Variants in SRD5A2 observed in about 807,000 individuals in gnomAD.
SRD5A2 encodes 3-oxo-5-alpha-steroid 4-dehydrogenase 2.
A neutral mutation model predicts 27.4 loss-of-function variants in SRD5A2; 30 were observed. The observed-to-expected ratio is 1.10, with a 90% CI of 0.82 to 1.49. SRD5A2 has a LOEUF of 1.49. SRD5A2 is among the 40% of genes most tolerant of loss of function. The probability of loss-of-function intolerance (pLI) is 0.00; values close to 1 mark genes in which losing one functional copy is unlikely to be tolerated. For missense variants in SRD5A2, 348 were observed against 323.4 expected (o/e 1.08, Z -0.58); for synonymous variants, 141 against 133.6 (o/e 1.06, Z -0.38).
At chr2:31,567,579 T>C (rs1310751642) in intron 1 of SRD5A2, among the ~76,000 whole-genome samples, 2 of 152,050 alleles carry the variant, frequency 1.3e-5, no homozygotes, top group Admixed American at 6.5e-5. Context: ...CCCTTTGTAG[T>C]TCTACCTTCT....
the SRD5A2 span, among the ~76,000 whole-genome samples, chr2:31,586,913 A>G: frequency 6.6e-6 from 1 of 152,346 alleles, no homozygotes; most frequent in South Asian, 2.1e-4. Flanking sequence ...CTGGAGAAAC[A>G]AGACATAGGA....
the SRD5A2 span, among the ~76,000 whole-genome samples, chr2:31,621,940 G>A: frequency 7.4e-6 from 1 of 135,770 alleles, no homozygotes; most frequent in Non-Finnish European, 1.6e-5. Context: ...ACTCTACCCT[G>A]ACAGGTTTGT....
intron 1 of SRD5A2, among the ~76,000 whole-genome samples, chr2:31,569,775 A>C (rs1666816051): frequency 6.6e-6 from 1 of 152,136 alleles, no homozygotes; most frequent in Non-Finnish European, 1.5e-5. Flanking sequence ...ATTAAAACCT[A>C]AAACTACAAA....
At chr2:31,639,184 C>T in the SRD5A2 span, among the ~76,000 whole-genome samples, 3 of 152,004 alleles carry the variant, frequency 2.0e-5, no homozygotes, top group Admixed American at 6.6e-5. Flanking sequence ...AATAGAAACA[C>T]AGGCAAAGAC....
At chr2:31,631,486 C>T in the SRD5A2 span, among the ~76,000 whole-genome samples, 1 of 151,788 alleles carries the variant, frequency 6.6e-6, no homozygotes, top group Non-Finnish European at 1.5e-5. Context: ...GGGAAACGTT[C>T]CCCCCCAAGG....
the SRD5A2 span, among the ~76,000 whole-genome samples, chr2:31,613,027 A>G: frequency 6.6e-6 from 1 of 152,176 alleles, no homozygotes; most frequent in Non-Finnish European, 1.5e-5. Context: ...TAAAATGAAT[A>G]AGAGACTGAA....
Position 31,523,290 on chromosome 2 carries a change from A to G in SRD5A2, c.*2906T>C, listed in dbSNP as rs936274225. ...CTCACACACAAACAGGCATGGGACAATAGGTGTATAAACTGAACTATGCAA... is the reference window on the plus strand; with the variant it reads ...CTCACACACAAACAGGCATGGGACAGTAGGTGTATAAACTGAACTATGCAA... On this transcript the variant is annotated 3_prime_UTR_variant, in exon 5 of 5. Transcript: ENST00000622030. 4.7e-6 allele frequency: 1 copy of G among 214,558 alleles called. No homozygotes were observed. Among genetic ancestry groups the G allele is most frequent in the Non-Finnish European group, 9.4e-6 (1 of 106,282 alleles). 13.3% of individuals were successfully genotyped at this position (214,558 alleles called of 1,614,324 possible). A position where few individuals can be genotyped will look rare whatever the true frequency, so the allele number is the denominator to read the frequency against.
the SRD5A2 span, among the ~76,000 whole-genome samples, chr2:31,649,402 A>G: frequency 6.6e-6 from 1 of 152,188 alleles, no homozygotes; most frequent in Non-Finnish European, 1.5e-5. Context: ...ACTGCCTTGT[A>G]TATTCAAATA....
At chr2:31,531,868 T>C (rs540217464) in intron 2 of SRD5A2, among the ~76,000 whole-genome samples, 2 of 152,310 alleles carry the variant, frequency 1.3e-5, no homozygotes, top group African/African-American at 2.4e-5. Context: ...CCCTTTTCTT[T>C]TGCCATCCCC....
the SRD5A2 span, among the ~76,000 whole-genome samples, chr2:31,601,017 A>G: frequency 1.3e-5 from 2 of 151,948 alleles, no homozygotes; most frequent in Non-Finnish European, 2.9e-5. Context: ...TAAAAGAACT[A>G]GAGAACCAAG....
intron 1 of SRD5A2, among the ~76,000 whole-genome samples, chr2:31,579,694 G>T (rs570466878): frequency 6.6e-6 from 1 of 152,200 alleles, no homozygotes; most frequent in East Asian, 1.9e-4. Context: ...ACAGAGTTAA[G>T]TGAGACCATA....
At chr2:31,576,782 T>A (rs1206806335) in intron 1 of SRD5A2, among the ~76,000 whole-genome samples, 19 of 30,050 alleles carry the variant, frequency 6.3e-4, no homozygotes, top group Non-Finnish European at 1.0e-3. Context: ...ATTAAGAAAA[T>A]GTGGCACATA....
At chr2:31,546,536 G>A (rs1374077006) in intron 1 of SRD5A2, among the ~76,000 whole-genome samples, 1 of 152,020 alleles carries the variant, frequency 6.6e-6, no homozygotes, top group Non-Finnish European at 1.5e-5. Context: ...ATTAATACAG[G>A]AACAGAAAAC....
chr2:31,631,010 G>A, the SRD5A2 span, among the ~76,000 whole-genome samples: 5 of 152,298 alleles, frequency 3.3e-5, no homozygotes, highest in South Asian at 2.1e-4. Flanking sequence ...TCAAACGTGC[G>A]TGCAAGCTGT....
chr2:31,643,650 T>A, the SRD5A2 span, among the ~76,000 whole-genome samples: 2 of 152,138 alleles, frequency 1.3e-5, no homozygotes, highest in Non-Finnish European at 2.9e-5. Flanking sequence ...AAAATATATA[T>A]AATGAACACA....
At position 31,580,773 on chromosome 2, in the gene SRD5A2, G is replaced by T; in HGVS notation, c.128C>A (p.Ala43Glu). The change falls in exon 1 of 5, where the codon GCG (alanine) becomes GAG (glutamate). Residue 43 changes from alanine (A) to glutamate (E), a missense_variant. Physicochemically the swap from Ala to Glu is moderately radical, Grantham distance 107 (BLOSUM62 -1). Transcript: ENST00000622030. ...GGCGCGGGCTGGCAGGCGGGTAGCC[G>T]CCGGCTTCAGGCTCTCCGTGTGCTT... is the stretch of plus-strand genomic sequence containing the variant. The part of the protein sequence containing the change: ...YGKHTESLKP[A>E]ATRLPARAAW... The T allele has an allele frequency of 6.2e-7, 1 of 1,611,212 alleles. No homozygotes were observed. Among genetic ancestry groups the T allele is most frequent in the African/African-American group, 1.3e-5 (1 of 75,060 alleles).
chr2:31,629,398 A>C, the SRD5A2 span, among the ~76,000 whole-genome samples: 1 of 152,084 alleles, frequency 6.6e-6, no homozygotes, highest in Non-Finnish European at 1.5e-5. Flanking sequence ...CCATGAAGGG[A>C]CCTCCAAAGC....
chr2:31,597,801 A>T, the SRD5A2 span, among the ~76,000 whole-genome samples: 3 of 152,164 alleles, frequency 2.0e-5, no homozygotes, highest in Non-Finnish European at 4.4e-5. Context: ...ATCAAAAAAT[A>T]ATAGATGTTG....
At chr2:31,633,312 C>T in the SRD5A2 span, among the ~76,000 whole-genome samples, 45 of 152,302 alleles carry the variant, frequency 3.0e-4, no homozygotes, top group African/African-American at 9.6e-4. Context: ...CTTCACCAAA[C>T]CTTTCACTTA....
Sources: allele counts gnomAD v4.1 joint callset (sites outside exome capture counted in the v4.1 genomes callset), GRCh38; gene constraint gnomAD v4.1.1; transcripts MANE v1.5; gene names NCBI Gene and HGNC (gene_info 2026-07-23, HGNC 2026-07-21).